The following PTPRN2 variants were observed in gnomAD, a reference collection of about 807,000 sequenced individuals.
PTPRN2 encodes protein tyrosine phosphatase receptor type N2, also known as receptor-type tyrosine-protein phosphatase N2.
A neutral mutation model predicts 118.8 loss-of-function variants in PTPRN2; 74 were observed. That is an observed-to-expected ratio of 0.62 (90% CI 0.52 to 0.76). PTPRN2 has a LOEUF of 0.76. Among genes scored for constraint, PTPRN2 ranks in the 30% least tolerant of loss-of-function variants. PTPRN2 has a pLI of 0.00. For missense variants in PTPRN2, 1,481 were observed against 1,394.4 expected, an observed-to-expected ratio of 1.06 and a Z score of -0.99; for synonymous variants, 641 against 608.0, an observed-to-expected ratio of 1.05 and a Z score of -0.80.
chr7:157,596,458 A>G lies in PTPRN2; in HGVS notation c.2419-1143T>C, dbSNP rs1801345759. Among the ~76,000 whole-genome samples, 1 of 152,188 alleles carries G rather than the reference A, an allele frequency of 6.6e-6. No homozygotes were observed. On this transcript the variant is annotated intron_variant, in intron 16 of 22. Transcript: ENST00000389418. This position sits in a 1 kb window ranked among gnomAD's most constrained non-coding sequence, Gnocchi z 4.2. The stretch of plus-strand genomic sequence containing the variant: ...GGAGAAGGTTGGCTTAGAAGACCAT[A>G]ATTATTACATTTATTTCGAAGATTA...
chr7:158,280,396 G>A (rs1167030011), intron 3 of PTPRN2, among the ~76,000 whole-genome samples: 1 of 152,212 alleles, frequency 6.6e-6, no homozygotes, highest in Non-Finnish European at 1.5e-5. Flanking sequence ...CCGGCAGGGA[G>A]GGACAGCGAC....
rs138673782 is a variant in PTPRN2, at chr7:157,815,667, C to T, written c.1788+83006G>A. Among the ~76,000 whole-genome samples the T allele has an allele frequency of 4.5e-3, 689 of 152,230 alleles. 2 individuals carry two copies. Among genetic ancestry groups the T allele is most frequent in the Non-Finnish European group, 7.2e-3 (489 of 68,014 alleles). On this transcript the variant is annotated intron_variant, in intron 12 of 22. Transcript: ENST00000389418. ...GATGCAGACAGGCACTCATGGGGGTCGACGTGAAGGAGAGAGCCACCCACA... is the reference window on the plus strand; with the variant it reads ...GATGCAGACAGGCACTCATGGGGGTTGACGTGAAGGAGAGAGCCACCCACA...
At chr7:158,469,317 T>C (rs1478902870) in intron 2 of PTPRN2, among the ~76,000 whole-genome samples, 1 of 152,072 alleles carries the variant, frequency 6.6e-6, no homozygotes, top group Admixed American at 6.5e-5. Flanking sequence ...GGCAGGCACT[T>C]GTAATCCCAG....
chr7:157,811,161 C>T (rs772386539), intron 12 of PTPRN2, among the ~76,000 whole-genome samples: 1 of 151,310 alleles, frequency 6.6e-6, no homozygotes. Context: ...GTCCCAGCTA[C>T]TCGGGAGGCT....
intron 11 of PTPRN2, among the ~76,000 whole-genome samples, chr7:157,945,631 C>T (rs889079796): frequency 3.3e-5 from 5 of 151,774 alleles, no homozygotes; most frequent in South Asian, 2.1e-4. Flanking sequence ...CCAGCTTGGA[C>T]GATGCCGCCT....
intron 11 of PTPRN2, among the ~76,000 whole-genome samples, chr7:158,055,285 G>A (rs1331269403): frequency 6.6e-6 from 1 of 152,180 alleles, no homozygotes; most frequent in Non-Finnish European, 1.5e-5. Flanking sequence ...GCCCAGACAG[G>A]GCCACCAGAG....
intron 12 of PTPRN2, among the ~76,000 whole-genome samples, chr7:157,840,573 G>A (rs1399746875): frequency 3.3e-5 from 5 of 152,218 alleles, no homozygotes; most frequent in Non-Finnish European, 7.3e-5. Flanking sequence ...GACGGGAGCT[G>A]CAGACAACAT....
intron 11 of PTPRN2, among the ~76,000 whole-genome samples, chr7:157,937,086 C>T (rs754977271): frequency 6.6e-6 from 1 of 152,232 alleles, no homozygotes; most frequent in Non-Finnish European, 1.5e-5. Context: ...TTGGCCTGGG[C>T]CACCTTCTCT....
At chr7:158,431,585 TCACACTGGCTCACACTGGCCA>T (rs1441110394) in intron 2 of PTPRN2, among the ~76,000 whole-genome samples, 108 of 126,396 alleles carry the variant, frequency 8.5e-4, no homozygotes, top group Middle Eastern at 6.0e-3. Flanking sequence ...ACATACTGGC[TCACACTGGCTCACACTGGCCA>T]CACACTGGCT....
intron 11 of PTPRN2, among the ~76,000 whole-genome samples, chr7:158,041,493 C>T (rs1456435533): frequency 6.6e-6 from 1 of 151,924 alleles, no homozygotes; most frequent in Non-Finnish European, 1.5e-5. Context: ...CAAAAATTAG[C>T]CTGGGGTGGT....
At chr7:158,062,811 G>A (rs146285434) in intron 11 of PTPRN2, among the ~76,000 whole-genome samples, 1,870 of 152,310 alleles carry the variant, frequency 0.012, 30 homozygotes, top group African/African-American at 0.033. Flanking sequence ...CCTCCCCATG[G>A]GGCAGGGCGC....
intron 3 of PTPRN2, among the ~76,000 whole-genome samples, chr7:158,213,474 A>G (rs140028142): frequency 1.3e-5 from 2 of 152,282 alleles, no homozygotes; most frequent in Admixed American, 1.3e-4. Context: ...AAAATTCACC[A>G]TTAGGATGGC....
At chr7:158,069,695 C>T (rs942401126) in intron 11 of PTPRN2, among the ~76,000 whole-genome samples, 1 of 152,234 alleles carries the variant, frequency 6.6e-6, no homozygotes, top group Non-Finnish European at 1.5e-5. Context: ...AAGTAAAGAA[C>T]ACTACTGAAA....
chr7:157,950,393 G>T (rs1800732758), intron 11 of PTPRN2, among the ~76,000 whole-genome samples: 1 of 152,144 alleles, frequency 6.6e-6, no homozygotes, highest in South Asian at 2.1e-4. Context: ...TATTTTTGTT[G>T]GTATTTGGGT....
At chr7:158,271,269 G>T (rs1798499786) in intron 3 of PTPRN2, among the ~76,000 whole-genome samples, 1 of 152,172 alleles carries the variant, frequency 6.6e-6, no homozygotes, top group Non-Finnish European at 1.5e-5. Context: ...CCAGTCACTG[G>T]AATTCTTGGA....
intron 5 of PTPRN2, among the ~76,000 whole-genome samples, chr7:158,170,807 G>T (rs1385800937): frequency 6.6e-6 from 1 of 152,066 alleles, no homozygotes; most frequent in African/African-American, 2.4e-5. Flanking sequence ...AGCTGCCTGG[G>T]TTTAAACTAC....
chr7:158,302,332 T>A (rs1800952835), intron 3 of PTPRN2, among the ~76,000 whole-genome samples: 1 of 152,196 alleles, frequency 6.6e-6, no homozygotes, highest in African/African-American at 2.4e-5. Context: ...TGAACCACCA[T>A]CAGTGATCCC....
At position 158,316,861 on chromosome 7, in the gene PTPRN2, G is replaced by C. The variant is rs142168869; in HGVS notation, c.235C>G (p.Leu79Val). ...TGCAACGCCACGCGCAGGCGCTGCA[G>C]GGCCACGGGCGACACCTCGTAGCGG... ...FYRYEVSPVA[L>V]QRLRVALQKL... The change falls in exon 3 of 23, where the codon CTG (leucine) becomes GTG (valine). Residue 79 changes from leucine to valine, a missense_variant. Around this residue, in one of 3 missense-constraint regions of PTPRN2, gnomAD observed 1,115 missense variants for 994.2 expected, o/e 1.12. Coordinates refer to ENST00000389418, the MANE Select transcript of PTPRN2 (RefSeq NM_002847.5). 1 of 1,611,182 alleles carries C rather than the reference G, an allele frequency of 6.2e-7. No homozygotes were observed. The highest frequency in any genetic ancestry group is 2.2e-5 in the East Asian group (1 of 44,874).
chr7:157,621,759 A>T (rs1803265804), intron 14 of PTPRN2, among the ~76,000 whole-genome samples: 1 of 152,014 alleles, frequency 6.6e-6, no homozygotes, highest in African/African-American at 2.4e-5. Flanking sequence ...TTTGGGAATC[A>T]GTTTACCGCT....
Sources: allele counts gnomAD v4.1 joint callset (sites outside exome capture counted in the v4.1 genomes callset), GRCh38; gene constraint gnomAD v4.1.1; regional missense constraint gnomAD v4.1.1; non-coding constraint Gnocchi (gnomAD v3.1); transcripts MANE v1.5; gene names NCBI Gene and HGNC (gene_info 2026-07-23, HGNC 2026-07-21).